AK3: variants seen among roughly 807,000 people sequenced by gnomAD.
AK3 encodes the protein GTP:AMP phosphotransferase AK3, mitochondrial.
A neutral mutation model predicts 23.7 loss-of-function variants in AK3; 27 were observed. The observed-to-expected ratio is 1.14, with a 90% CI of 0.84 to 1.57. The LOEUF is 1.57. Ranked by LOEUF, AK3 falls within the 40% of genes most tolerant of loss-of-function variation. AK3 has a pLI of 0.00. For missense variants in AK3, 406 were observed against 285.6 expected, an observed-to-expected ratio of 1.42 and a Z score of -3.04; for synonymous variants, 159 against 116.0, an observed-to-expected ratio of 1.37 and a Z score of -2.38.
intron 2 of AK3, among the ~76,000 whole-genome samples, chr9:4,720,176 A>G (rs983293584): frequency 6.6e-6 from 1 of 152,208 alleles, no homozygotes; most frequent in Non-Finnish European, 1.5e-5. Flanking sequence ...ACAGACAAAG[A>G]GATGTGTTAT....
At chr9:4,735,055 G>A (rs67350339) in intron 1 of AK3, among the ~76,000 whole-genome samples, 1 of 151,162 alleles carries the variant, frequency 6.6e-6, no homozygotes, top group Non-Finnish European at 1.5e-5. Flanking sequence ...TTCTTTTATG[G>A]GGTGATGGGT....
rs2130883695 is a variant in AK3 at position 4,720,835 on chromosome 9, C to G, written c.272-1528G>C. Among the ~76,000 whole-genome samples, 2 of 152,242 alleles carry G rather than the reference C, an allele frequency of 1.3e-5. 1 individual carries two copies. The highest frequency in any genetic ancestry group is 4.1e-4 in the South Asian group (2 of 4,826). ...TAGACCTTACAATGTGCTAAAATGA[C>G]AATGATAACGACTAAAACTATACCC... On this transcript the variant is annotated intron_variant, in intron 2 of 4. Coordinates refer to ENST00000381809, the MANE Select transcript of AK3 (RefSeq NM_016282.4).
chr9:4,726,826 C>G (rs1457618570), intron 1 of AK3, among the ~76,000 whole-genome samples: 1 of 151,694 alleles, frequency 6.6e-6, no homozygotes, highest in Non-Finnish European at 1.5e-5. Context: ...ATCTATATAG[C>G]AGCTGAACCT....
chr9:4,713,915 T>TACACACCTCCACATAC (rs796351454), intron 4 of AK3, among the ~76,000 whole-genome samples: 219 of 20,876 alleles, frequency 0.01, 2 homozygotes, highest in Middle Eastern at 0.071. Context: ...CCTACACATA[T>TACACACCTCCACATAC]ACACCTCCAC....
intron 1 of AK3, among the ~76,000 whole-genome samples, chr9:4,725,579 G>A (rs1842005363): frequency 6.6e-6 from 1 of 151,918 alleles, no homozygotes; most frequent in Non-Finnish European, 1.5e-5. Flanking sequence ...GACCAGCCTG[G>A]CCAACATGGT....
At chr9:4,726,079 C>T (rs1842018000) in intron 1 of AK3, among the ~76,000 whole-genome samples, 3 of 152,032 alleles carry the variant, frequency 2.0e-5, no homozygotes, top group African/African-American at 7.2e-5. Context: ...AACAATGTAC[C>T]TACCTTAATT....
At chr9:4,730,425 G>C (rs1444154628) in intron 1 of AK3, among the ~76,000 whole-genome samples, 1 of 152,082 alleles carries the variant, frequency 6.6e-6, no homozygotes, top group Non-Finnish European at 1.5e-5. Flanking sequence ...CTCATAGTCT[G>C]ATCACTACTC....
At chr9:4,714,862 C>T (rs1311856745) in intron 4 of AK3, among the ~76,000 whole-genome samples, 4 of 152,116 alleles carry the variant, frequency 2.6e-5, no homozygotes, top group Admixed American at 6.6e-5. Context: ...AACATTCTTG[C>T]AAATAAACTT....
In AK3 at chr9:4,741,119, A is replaced by T; in HGVS notation, c.-32T>A. 6.8e-7 allele frequency: 1 copy of T among 1,478,946 alleles called. No homozygotes were observed. The highest frequency in any genetic ancestry group is 9.0e-7 in the Non-Finnish European group (1 of 1,114,254). The allele number at this position is 1,478,946 out of a possible 1,614,324, so 91.6% of individuals were successfully genotyped here. On this transcript the variant is annotated 5_prime_UTR_variant, in exon 1 of 5. Transcript: ENST00000381809. The stretch of plus-strand genomic sequence containing the variant: ...AGACTGAGGCCCGCACCGCGCGGGT[A>T]CCAGGGCTTTGGCCTGGCCTGCGCG...
chr9:4,726,941 A>G (rs1842034747), intron 1 of AK3, among the ~76,000 whole-genome samples: 1 of 152,070 alleles, frequency 6.6e-6, no homozygotes, highest in Admixed American at 6.6e-5. Flanking sequence ...AACAACATGA[A>G]TTTCCGTGTA....
intron 1 of AK3, among the ~76,000 whole-genome samples, chr9:4,733,291 G>C (rs547607714): frequency 6.6e-6 from 1 of 151,940 alleles, no homozygotes; most frequent in Non-Finnish European, 1.5e-5. Flanking sequence ...GAGAATGTCA[G>C]GAAATTAGTT....
chr9:4,721,471 T>C (rs1391959269), intron 2 of AK3, among the ~76,000 whole-genome samples: 1 of 151,886 alleles, frequency 6.6e-6, no homozygotes, highest in Non-Finnish European at 1.5e-5. Flanking sequence ...ACTTCTTTTT[T>C]TTTTCTGAGA....
At chr9:4,725,462 T>C (rs1842002082) in intron 1 of AK3, among the ~76,000 whole-genome samples, 1 of 151,926 alleles carries the variant, frequency 6.6e-6, no homozygotes, top group Non-Finnish European at 1.5e-5. Context: ...TTTTTGTGCT[T>C]CAAAGAACAT....
chr9:4,734,903 G>C (rs550119217), intron 1 of AK3, among the ~76,000 whole-genome samples: 1 of 152,240 alleles, frequency 6.6e-6, no homozygotes, highest in South Asian at 2.1e-4. Flanking sequence ...AGTCAGAAAA[G>C]ACCACATATT....
intron 1 of AK3, among the ~76,000 whole-genome samples, chr9:4,734,504 G>A (rs975605314): frequency 6.6e-6 from 1 of 152,132 alleles, no homozygotes. Context: ...CTGAATGAAT[G>A]GTTAGATGGA....
At chr9:4,720,652 T>C (rs1255584838) in intron 2 of AK3, among the ~76,000 whole-genome samples, 2 of 149,054 alleles carry the variant, frequency 1.3e-5, no homozygotes, top group Non-Finnish European at 3.0e-5. Context: ...ATGACTCCAT[T>C]GCACTGCAGC....
At chr9:4,722,664 GT>G in intron 1 of AK3, 39 bp from the exon 2 acceptor site, 1 of 1,613,410 alleles carries the variant, frequency 6.2e-7, no homozygotes. Flanking sequence ...AAGTGCATTT[GT>G]TTTATCCCAT....
At chr9:4,715,858 C>A (rs1013452483) in intron 4 of AK3, among the ~76,000 whole-genome samples, 2 of 152,212 alleles carry the variant, frequency 1.3e-5, no homozygotes, top group African/African-American at 4.8e-5. Flanking sequence ...AACCTCTCCA[C>A]CAAACTCAGT....
At chr9:4,740,356 G>A (rs79560141) in intron 1 of AK3, among the ~76,000 whole-genome samples, 6,853 of 152,188 alleles carry the variant, frequency 0.045, 200 homozygotes, top group South Asian at 0.12. Flanking sequence ...CCATGCACAA[G>A]AATAGCCTTC....
Sources: gnomAD v4.1 joint callset for allele counts (sites outside exome capture counted in the v4.1 genomes callset) on GRCh38, gnomAD v4.1.1 for gene constraint, MANE v1.5 for transcripts, NCBI Gene and HGNC (gene_info 2026-07-23, HGNC 2026-07-21) for gene names.